Variants in KAZN observed in about 807,000 individuals in gnomAD.
KAZN encodes kazrin.
In KAZN, 40 loss-of-function variants were observed where a neutral mutation model predicts 87.4. The ratio of observed to expected loss-of-function variants is 0.46; its 90% CI spans 0.36 to 0.60. The LOEUF is 0.60. Among genes scored for constraint, KAZN ranks in the 20% least tolerant of loss-of-function variants. The pLI is 0.00. For synonymous variants in KAZN, 466 were observed against 458.3 expected (o/e 1.02, Z -0.22); for missense variants, 898 against 1,073.9 (o/e 0.84, Z 2.29).
chr1:14,185,597 T>C (rs1646287396), intron 2 of KAZN, among the ~76,000 whole-genome samples: 1 of 152,214 alleles, frequency 6.6e-6, no homozygotes, highest in African/African-American at 2.4e-5. Context: ...ACATAACTCT[T>C]ACAAGCCCTC....
chr1:14,040,649 C>T (rs1046449419), intron 1 of KAZN, among the ~76,000 whole-genome samples: 2 of 152,086 alleles, frequency 1.3e-5, no homozygotes, highest in Non-Finnish European at 2.9e-5. Context: ...GTAATCCCAG[C>T]TACTCAGGCT....
At chr1:14,598,676 C>T (rs1676677594), upstream of KAZN, 1 of 1,272,418 alleles carries the variant, frequency 7.9e-7, no homozygotes, top group Non-Finnish European at 9.9e-7. This position sits in a 1 kb window ranked among gnomAD's most constrained non-coding sequence, Gnocchi z 4.2. Flanking sequence ...CCTGGTGGCG[C>T]GCGGTGTCCT....
intron 1 of KAZN, among the ~76,000 whole-genome samples, chr1:14,720,809 C>T (rs1192044842): frequency 1.3e-5 from 2 of 152,218 alleles, no homozygotes; most frequent in East Asian, 3.9e-4. Context: ...GTCTGCCTAC[C>T]AGGTTCAAGT....
intron 2 of KAZN, among the ~76,000 whole-genome samples, chr1:14,453,146 A>G (rs371463317): frequency 3.7e-4 from 57 of 152,134 alleles, no homozygotes; most frequent in African/African-American, 1.2e-3. Flanking sequence ...TAGTAGAGAC[A>G]GGGTTTCACC....
chr1:14,943,007 GGT>G (rs58102946), intron 1 of KAZN, among the ~76,000 whole-genome samples: 10,295 of 100,544 alleles, frequency 0.1, 500 homozygotes, highest in East Asian at 0.18. Context: ...GTGTGTGTGT[GGT>G]GTGTGTGTGT....
At chr1:14,050,630 C>G (rs531270014) in intron 1 of KAZN, among the ~76,000 whole-genome samples, 4 of 152,304 alleles carry the variant, frequency 2.6e-5, no homozygotes, top group Non-Finnish European at 5.9e-5. Context: ...TTCCCTCCCT[C>G]GACATGTGGG....
At chr1:14,547,643 T>G (rs760359313) in intron 2 of KAZN, among the ~76,000 whole-genome samples, 3 of 152,184 alleles carry the variant, frequency 2.0e-5, no homozygotes, top group Non-Finnish European at 4.4e-5. Flanking sequence ...AGTGCAGTGA[T>G]GCAGTCTCGG....
At chr1:14,206,969 C>CT (rs35070539) in intron 2 of KAZN, among the ~76,000 whole-genome samples, 93,632 of 145,478 alleles carry the variant, frequency 0.64, 30,309 homozygotes, top group African/African-American at 0.72. Context: ...TTCTTTCTTT[C>CT]TTTTTTTTTT....
intron 1 of KAZN, among the ~76,000 whole-genome samples, chr1:14,724,398 C>A (rs1458155695): frequency 6.6e-6 from 1 of 152,150 alleles, no homozygotes; most frequent in Non-Finnish European, 1.5e-5. Context: ...ATTAGAGTCC[C>A]CTTGCACTGT....
chr1:13,895,338 T>C (rs1049202338), intron 1 of KAZN, among the ~76,000 whole-genome samples: 8 of 152,170 alleles, frequency 5.3e-5, no homozygotes, highest in Non-Finnish European at 1.2e-4. Context: ...GCCTTTCTAC[T>C]TCTCTGAGGA....
intron 1 of KAZN, among the ~76,000 whole-genome samples, chr1:14,744,610 C>A (rs995171045): frequency 6.6e-6 from 1 of 152,074 alleles, no homozygotes; most frequent in African/African-American, 2.4e-5. Context: ...GTGGCATGTG[C>A]CTGTAGTCCC....
chr1:14,809,594 T>G (rs972188136), intron 1 of KAZN, among the ~76,000 whole-genome samples: 4 of 152,216 alleles, frequency 2.6e-5, no homozygotes, highest in Non-Finnish European at 5.9e-5. Context: ...TATTTCCGAA[T>G]ACAATTGTCT....
intron 2 of KAZN, among the ~76,000 whole-genome samples, chr1:14,985,244 T>TCGG (rs560285595): frequency 1.3e-4 from 14 of 110,278 alleles, no homozygotes; most frequent in African/African-American, 6.1e-4. Context: ...TCCCAGAACT[T>TCGG]TGGTGGGAGG....
intron 1 of KAZN, among the ~76,000 whole-genome samples, chr1:14,721,489 C>T (rs1167105131): frequency 6.6e-6 from 1 of 152,204 alleles, no homozygotes; most frequent in Non-Finnish European, 1.5e-5. Context: ...AGCATGAGAA[C>T]AGACGAATAG....
intron 1 of KAZN, among the ~76,000 whole-genome samples, chr1:14,928,618 C>T (rs1572852219): frequency 6.6e-6 from 1 of 152,292 alleles, no homozygotes; most frequent in East Asian, 1.9e-4. Flanking sequence ...GGGAGGTCTG[C>T]TCTCTGTGAG....
intron 2 of KAZN, among the ~76,000 whole-genome samples, chr1:14,315,951 A>G (rs1571287175): frequency 6.6e-6 from 1 of 151,996 alleles, no homozygotes; most frequent in East Asian, 1.9e-4. Flanking sequence ...GGCAAATATC[A>G]TTTAACTTTA....
intron 1 of KAZN, among the ~76,000 whole-genome samples, chr1:14,609,090 T>C (rs559884065): frequency 2.5e-3 from 387 of 152,304 alleles, no homozygotes; most frequent in Non-Finnish European, 3.0e-3. Flanking sequence ...TGGGGAAACA[T>C]GACCTGGAAT....
At chr1:14,733,935 C>G (rs1643801612) in intron 1 of KAZN, among the ~76,000 whole-genome samples, 1 of 152,202 alleles carries the variant, frequency 6.6e-6, no homozygotes, top group African/African-American at 2.4e-5. Flanking sequence ...CTGTCGGTTC[C>G]CGGCACACCA....
intron 2 of KAZN, among the ~76,000 whole-genome samples, chr1:14,591,675 G>A (rs1227127748): frequency 6.6e-6 from 1 of 152,148 alleles, no homozygotes; most frequent in Non-Finnish European, 1.5e-5. Flanking sequence ...ACACAGAAGG[G>A]ATGCGCCTGA....
Sources: allele counts gnomAD v4.1 joint callset (sites outside exome capture counted in the v4.1 genomes callset), GRCh38; gene constraint gnomAD v4.1.1; non-coding constraint Gnocchi (gnomAD v3.1); transcripts MANE v1.5; gene names NCBI Gene and HGNC (gene_info 2026-07-23, HGNC 2026-07-21).